Variants in NELL1 observed in about 807,000 individuals in gnomAD.
The protein encoded by NELL1 is neural EGFL like 1.
NELL1 carries 76 observed loss-of-function variants against 107.4 expected under a neutral mutation model. The observed-to-expected ratio is 0.71, with a 90% CI of 0.59 to 0.86. NELL1 has a LOEUF of 0.86. NELL1 is among the 40% of genes least tolerant of loss of function. NELL1 has a pLI of 0.00. For synonymous variants in NELL1, 353 were observed against 341.2 expected (o/e 1.03, Z -0.38); for missense variants, 1,024 against 1,005.5 (o/e 1.02, Z -0.25).
intron 15 of NELL1, among the ~76,000 whole-genome samples, chr11:21,409,678 T>A (rs1852327901): frequency 1.3e-5 from 2 of 152,008 alleles, no homozygotes; most frequent in Admixed American, 1.3e-4. Flanking sequence ...TGTTTTAACG[T>A]GAGTATAGAT....
intron 13 of NELL1, among the ~76,000 whole-genome samples, chr11:21,117,485 GAAAA>G (rs1855265193): frequency 6.6e-6 from 1 of 151,880 alleles, no homozygotes; most frequent in South Asian, 2.1e-4. Context: ...TTTCACTTTT[GAAAA>G]CCTCATTTAT....
intron 14 of NELL1, among the ~76,000 whole-genome samples, chr11:21,261,508 G>C (rs1848531900): frequency 6.6e-6 from 1 of 151,558 alleles, no homozygotes; most frequent in African/African-American, 2.4e-5. Flanking sequence ...GCTAGGCACT[G>C]TTCAAATTGC....
Position 21,113,582 on chromosome 11 carries a change from C to T in NELL1, c.1301-7C>T. Reference sequence around the variant, plus strand: ...AACCATGATCTTACTTATTTTTTTTCCTTCAGATATTGATGAGTGTGCAGC... The same window carrying T: ...AACCATGATCTTACTTATTTTTTTTTCTTCAGATATTGATGAGTGTGCAGC... On this transcript the variant is annotated splice_region_variant and splice_polypyrimidine_tract_variant and intron_variant, in intron 12 of 19. Transcript: ENST00000357134. The T allele has an allele frequency of 6.2e-7, 1 of 1,600,984 alleles. No individual in the cohort carries two copies. The highest frequency in any genetic ancestry group is 8.5e-7 in the Non-Finnish European group (1 of 1,173,950).
intron 2 of NELL1, among the ~76,000 whole-genome samples, chr11:20,754,136 C>A (rs922909758): frequency 6.6e-6 from 1 of 152,088 alleles, no homozygotes; most frequent in Non-Finnish European, 1.5e-5. Context: ...AGGAAAATCA[C>A]TGTGTAGCTA....
chr11:21,394,436 G>T lies in NELL1; in HGVS notation c.1645+23488G>T, dbSNP rs983280301. ...TATGTATGTATATAGCCCTATATAT[G>T]TGTGTATATATATGGCCGTGTGTGT... is the stretch of plus-strand genomic sequence containing the variant. On this transcript the variant is annotated intron_variant, in intron 15 of 19. Coordinates refer to ENST00000357134, the MANE Select transcript of NELL1 (RefSeq NM_006157.5). 2.6e-5 allele frequency among the ~76,000 whole-genome samples: 4 copies of T among 151,434 alleles called. No individual in the cohort carries two copies. In the Middle Eastern group the frequency reaches 0.01, roughly 389 times the overall value.
At chr11:21,188,120 C>A (rs1856972244) in intron 13 of NELL1, among the ~76,000 whole-genome samples, 1 of 151,702 alleles carries the variant, frequency 6.6e-6, no homozygotes, top group Non-Finnish European at 1.5e-5. Context: ...TTGCATCATC[C>A]CTTTGGGGAA....
intron 15 of NELL1, among the ~76,000 whole-genome samples, chr11:21,424,913 G>A (rs1029947734): frequency 4.6e-5 from 7 of 152,234 alleles, no homozygotes; most frequent in African/African-American, 1.7e-4. Context: ...TTGAAAAGAA[G>A]GGATAACTTC....
At chr11:21,503,787 C>A (rs969952383) in intron 15 of NELL1, among the ~76,000 whole-genome samples, 1 of 152,038 alleles carries the variant, frequency 6.6e-6, no homozygotes, top group Non-Finnish European at 1.5e-5. Context: ...CCTGAGTCTC[C>A]ATATACTATT....
intron 15 of NELL1, among the ~76,000 whole-genome samples, chr11:21,461,122 A>G (rs1055817800): frequency 6.6e-6 from 1 of 152,098 alleles, no homozygotes; most frequent in Non-Finnish European, 1.5e-5. Context: ...TAATAATTCC[A>G]TAATTGATAA....
At position 21,056,006 on chromosome 11, in the gene NELL1, A is replaced by G. The variant is rs372998260; in HGVS notation, c.1301-57583A>G. Among the ~76,000 whole-genome samples, 9 of 152,312 alleles carry G rather than the reference A, an allele frequency of 5.9e-5. No homozygotes were observed. In the East Asian group the frequency reaches 9.6e-4, roughly 16 times the overall value. On this transcript the variant is annotated intron_variant, in intron 12 of 19. Transcript: ENST00000357134. Reference sequence around the variant, plus strand: ...CAACTGCTAACAGTTACTGAGCACTATCAGTGGTCTAGGCTCTGGGCCAGA... The same window carrying G: ...CAACTGCTAACAGTTACTGAGCACTGTCAGTGGTCTAGGCTCTGGGCCAGA...
intron 16 of NELL1, among the ~76,000 whole-genome samples, chr11:21,554,243 T>C (rs1856655389): frequency 6.6e-6 from 1 of 151,866 alleles, no homozygotes; most frequent in Admixed American, 6.6e-5. Context: ...TCGTCTACAG[T>C]AAAACACCTA....
intron 2 of NELL1, among the ~76,000 whole-genome samples, chr11:20,742,847 C>T (rs1855921548): frequency 6.6e-6 from 1 of 152,130 alleles, no homozygotes; most frequent in African/African-American, 2.4e-5. Flanking sequence ...ATCCCTAACC[C>T]ATAGCAGTGC....
At chr11:20,836,542 G>A (rs904271789) in intron 3 of NELL1, among the ~76,000 whole-genome samples, 4 of 151,924 alleles carry the variant, frequency 2.6e-5, no homozygotes, top group Non-Finnish European at 5.9e-5. Flanking sequence ...ATAAACTGTG[G>A]TACATGTATA....
At chr11:20,674,685 T>C in intron 1 of NELL1, 1 of 680,966 alleles carries the variant, frequency 1.5e-6, no homozygotes, top group Non-Finnish European at 2.6e-6. Context: ...AAACTGGATC[T>C]CAGTTTAGTG....
At chr11:21,449,906 T>A (rs1590941168) in intron 15 of NELL1, among the ~76,000 whole-genome samples, 1 of 152,340 alleles carries the variant, frequency 6.6e-6, no homozygotes, top group Middle Eastern at 3.4e-3. Flanking sequence ...TCTGTTGATC[T>A]GTTTGTTCAT....
At chr11:21,474,419 A>T (rs139363388) in intron 15 of NELL1, among the ~76,000 whole-genome samples, 1 of 152,168 alleles carries the variant, frequency 6.6e-6, no homozygotes, top group Admixed American at 6.6e-5. Context: ...AGGGACTTTT[A>T]TCTTGCTTGC....
At chr11:21,203,315 T>C (rs1857312221) in intron 13 of NELL1, among the ~76,000 whole-genome samples, 1 of 152,128 alleles carries the variant, frequency 6.6e-6, no homozygotes, top group African/African-American at 2.4e-5. Flanking sequence ...CTGTATTGAG[T>C]GCATATATAT....
intron 15 of NELL1, among the ~76,000 whole-genome samples, chr11:21,420,751 G>A (rs1852644741): frequency 6.6e-6 from 1 of 152,092 alleles, no homozygotes; most frequent in Non-Finnish European, 1.5e-5. Flanking sequence ...GGAAGCACCA[G>A]ACACAACAAA....
chr11:20,688,432 A>G (rs1381570656), intron 2 of NELL1, among the ~76,000 whole-genome samples: 6 of 152,068 alleles, frequency 3.9e-5, no homozygotes, highest in Non-Finnish European at 7.4e-5. Context: ...CTTTATGTTC[A>G]TGTTTATCCA....
Sources: allele counts gnomAD v4.1 joint callset (sites outside exome capture counted in the v4.1 genomes callset), GRCh38; gene constraint gnomAD v4.1.1; transcripts MANE v1.5; gene names NCBI Gene and HGNC (gene_info 2026-07-23, HGNC 2026-07-21).